The following SUPT7L variants were observed in gnomAD, a reference collection of about 807,000 sequenced individuals.
SUPT7L encodes SPT7 like, STAGA complex subunit gamma.
SUPT7L carries 15 observed loss-of-function variants against 35.7 expected under a neutral mutation model. That is an observed-to-expected ratio of 0.42 (90% CI 0.28 to 0.65). The LOEUF is 0.65. SUPT7L is among the 30% of genes least tolerant of loss of function. The pLI, the probability that SUPT7L is intolerant of heterozygous loss-of-function variation, is 0.23. For missense variants in SUPT7L, 434 were observed against 522.2 expected (o/e 0.83, Z 1.65); for synonymous variants, 168 against 186.2 (o/e 0.90, Z 0.79).
rs944130076 is a variant in SUPT7L, at chr2:27,660,423, C to T, written c.419+561G>A. The stretch of plus-strand genomic sequence containing the variant: ...ATTTTTAGTACAGATGGGGTTTCGC[C>T]ATGTTGGCCAGGTTGATTTTGAACT... On this transcript the variant is annotated intron_variant, in intron 3 of 5. Coordinates refer to ENST00000337768, the MANE Select transcript of SUPT7L (RefSeq NM_014860.3). 3.3e-5 allele frequency among the ~76,000 whole-genome samples: 5 copies of T among 151,972 alleles called. No homozygotes were observed. The East Asian group carries it at 9.7e-4, about 29-fold the overall frequency.
At chr2:27,654,323 G>T (rs769942531) in intron 5 of SUPT7L, among the ~76,000 whole-genome samples, 1 of 152,120 alleles carries the variant, frequency 6.6e-6, no homozygotes, top group Non-Finnish European at 1.5e-5. Context: ...TTCTCTTATG[G>T]TTATTCTTCC....
chr2:27,648,094 T>TCCTG (rs1674329757), downstream of SUPT7L: 3 of 618,560 alleles, frequency 4.8e-6, no homozygotes, highest in African/African-American at 5.5e-5. Flanking sequence ...AGAGTTCCTG[T>TCCTG]CCTGCCTACT....
At position 27,661,268 on chromosome 2, in the gene SUPT7L, G is replaced by T. The variant is rs1675092533; in HGVS notation, c.135C>A (p.Asn45Lys). 6.2e-7 allele frequency: 1 copy of T among 1,613,518 alleles called. No individual in the cohort carries two copies. Among genetic ancestry groups the T allele is most frequent in the South Asian group, 1.1e-5 (1 of 91,028 alleles). Residue 45 changes from asparagine to lysine, a missense_variant, in exon 3 of 6, where the codon AAC (asparagine) becomes AAA (lysine). Transcript: ENST00000337768. ...HDPPLHQPSA[N>K]KPKPPTMLDI... ...CCAGCATAGTGGGGGGCTTCGGCTT[G>T]TTGGCTGAGGGTTGGTGCAGGGGTG...
downstream of SUPT7L, chr2:27,647,974 C>A: frequency 8.3e-7 from 1 of 1,203,012 alleles, no homozygotes; most frequent in Non-Finnish European, 1.2e-6. Flanking sequence ...CCCGTGGCAA[C>A]AGAGCATCTG....
intron 5 of SUPT7L, among the ~76,000 whole-genome samples, chr2:27,653,957 C>G (rs1045520806): frequency 3.3e-5 from 5 of 152,160 alleles, no homozygotes; most frequent in African/African-American, 1.2e-4. Flanking sequence ...ATCTTCTTTT[C>G]CATTTCTTCT....
the SUPT7L span, among the ~76,000 whole-genome samples, chr2:27,642,990 C>CACAT: frequency 1.0e-3 from 155 of 150,916 alleles, no homozygotes; most frequent in African/African-American, 3.5e-3. Context: ...CACACACACA[C>CACAT]ACACATACAT....
At chr2:27,650,328 T>C (rs1328681347), downstream of SUPT7L, 2 of 549,032 alleles carry the variant, frequency 3.6e-6, no homozygotes, top group Non-Finnish European at 6.6e-6. Flanking sequence ...GCAAAGTTTC[T>C]CTTATTAGAG....
At position 27,653,083 on chromosome 2, in the gene SUPT7L, TTAG is replaced by T. The variant is rs1223217968; in HGVS notation, c.*399_*401del. The T allele has an allele frequency of 2.6e-5, 5 of 190,416 alleles. No homozygotes were observed. Among genetic ancestry groups the T allele is most frequent in the Admixed American group, 2.1e-4 (4 of 18,844 alleles). 11.8% of individuals were successfully genotyped at this position (190,416 alleles called of 1,614,324 possible). ...TGACATCTGATATGAGCATATATTATTAGTCTATTCAAGCACAGTTTTGAAGTT... is the reference window on the plus strand; with the variant it reads ...TGACATCTGATATGAGCATATATTATTCTATTCAAGCACAGTTTTGAAGTT... On this transcript the variant is annotated 3_prime_UTR_variant, in exon 6 of 6. Coordinates refer to ENST00000337768, the MANE Select transcript of SUPT7L (RefSeq NM_014860.3).
rs1485834545 is a variant in SUPT7L at position 27,660,873 on chromosome 2, T to A, written c.419+111A>T. ...CTGGAGAAACCTTGGCCAAGTCAAT[T>A]ACTCTTATCCTCAGTTTCCTCGCAT... is the stretch of plus-strand genomic sequence containing the variant. On this transcript the variant is annotated intron_variant, in intron 3 of 5. Coordinates refer to ENST00000337768, the MANE Select transcript of SUPT7L (RefSeq NM_014860.3). 36 of 1,384,980 alleles carry A rather than the reference T, an allele frequency of 2.6e-5. 1 individual carries two copies. The South Asian group carries it at 5.3e-4, about 20-fold the overall frequency. The allele number at this position is 1,384,980 out of a possible 1,614,324, so 85.8% of individuals were successfully genotyped here.
Position 27,655,177 on chromosome 2 carries a change from T to C in SUPT7L, c.982+188A>G, listed in dbSNP as rs72852184. 5.6e-3 allele frequency among the ~76,000 whole-genome samples: 848 copies of C among 152,336 alleles called. 4 individuals are homozygous for C. The highest frequency in any genetic ancestry group is 6.8e-3 in the Admixed American group (104 of 15,306). ...TGCCTGTAAAGCTGTGCTAATCCTC[T>C]CTTCACTAATTAGAAAGAGAAGAAT... On this transcript the variant is annotated intron_variant, in intron 5 of 5. Transcript: ENST00000337768.
Position 27,653,594 on chromosome 2 carries a change from T to C in SUPT7L, c.1136A>G (p.Gln379Arg). The C allele has an allele frequency of 6.2e-7, 1 of 1,614,244 alleles. No homozygotes were observed. Among genetic ancestry groups the C allele is most frequent in the Non-Finnish European group, 8.5e-7 (1 of 1,180,044 alleles). Residue 379 changes from glutamine (Q) to arginine (R), a missense_variant, in exon 6 of 6, where the codon CAG becomes CGG. Gln to Arg is a conservative substitution (Grantham distance 43). Transcript: ENST00000337768. The part of the protein sequence containing the change: ...MSGMSEAGIP[Q>R]SPDDSDSSYG... Reference sequence around the variant, plus strand: ...GCTGCTATCTGAGTCATCAGGGCTCTGAGGAATCCCAGCTTCACTCATGCC... The same window carrying C: ...GCTGCTATCTGAGTCATCAGGGCTCCGAGGAATCCCAGCTTCACTCATGCC...
chr2:27,655,790 A>G (rs1341372967), intron 4 of SUPT7L, among the ~76,000 whole-genome samples, 188 bp from the exon 5 acceptor site: 3 of 152,220 alleles, frequency 2.0e-5, no homozygotes, highest in Non-Finnish European at 2.9e-5. Context: ...TGTAAAGAAA[A>G]TTGGTTTGGC....
At position 27,653,663 on chromosome 2, in the gene SUPT7L, C is replaced by A; in HGVS notation, c.1067G>T (p.Gly356Val). The A allele has an allele frequency of 6.2e-7, 1 of 1,614,128 alleles. No homozygotes were observed. ...PQESEEGNVS[G>V]HGVLGSDVFE... ...GACATCACTGCCCAGCACACCATGC[C>A]CAGAGACATTGCCTTCTTCACTTTC... is the stretch of plus-strand genomic sequence containing the variant. Residue 356 changes from glycine to valine, a missense_variant, in exon 6 of 6, where the codon GGG (glycine) becomes GTG (valine). Transcript: ENST00000337768.
Position 27,657,473 on chromosome 2 carries a change from G to A in SUPT7L, c.616C>T (p.Arg206Trp), listed in dbSNP as rs755890924. ...TCAGGAAAAGGAGTCTGTCCCAGCC[G>A]GGCCTCCCGGTCCACAGCAAAACGC... Reference protein sequence around the residue: ...LLRFAVDREARLGQTPFPDVM... With the variant: ...LLRFAVDREAWLGQTPFPDVM... Residue 206 changes from arginine (R) to tryptophan (W), a missense_variant, in exon 4 of 6, where the codon CGG (arginine) becomes TGG (tryptophan). Coordinates refer to ENST00000337768, the MANE Select transcript of SUPT7L (RefSeq NM_014860.3). This position sits in a 1 kb window ranked among gnomAD's most constrained non-coding sequence, Gnocchi z 5.2. 1.2e-5 allele frequency: 20 copies of A among 1,614,122 alleles called. No homozygotes were observed. Among genetic ancestry groups the A allele is most frequent in the Admixed American group, 1.7e-5 (1 of 60,016 alleles).
rs1572982267 is a variant in SUPT7L, at chr2:27,661,363, A to G, written c.40T>C (p.Ser14Pro). The change falls in exon 3 of 6, where the codon TCA (serine) becomes CCA (proline). Residue 14 changes from serine to proline, a missense_variant. Transcript: ENST00000337768. Reference protein sequence around the residue: ...QRYWGEIPISSSQTNRSSFDL... With the variant: ...QRYWGEIPISPSQTNRSSFDL... The stretch of plus-strand genomic sequence containing the variant: ...AAGGAACTTCTGTTGGTCTGGCTTG[A>G]TGATATTGGTATCTCTCCCCAGTAT... 1 of 1,613,992 alleles carries G rather than the reference A, an allele frequency of 6.2e-7. No individual in the cohort carries two copies. The highest frequency in any genetic ancestry group is 8.5e-7 in the Non-Finnish European group (1 of 1,180,022).
At chr2:27,642,575 T>C in the SUPT7L span, 8 of 981,436 alleles carry the variant, frequency 8.2e-6, no homozygotes, top group Admixed American at 8.2e-5. Context: ...TTCTTTCTTT[T>C]ATTTATTTAT....
At chr2:27,660,094 T>C (rs1031662741) in intron 3 of SUPT7L, among the ~76,000 whole-genome samples, 2 of 152,206 alleles carry the variant, frequency 1.3e-5, no homozygotes, top group African/African-American at 4.8e-5. Context: ...GATCTTGTTA[T>C]AATGCAGATT....
intron 4 of SUPT7L, 151 bp from the exon 5 acceptor site, chr2:27,655,753 A>C: frequency 1.4e-6 from 1 of 722,308 alleles, no homozygotes; most frequent in South Asian, 2.0e-5. Context: ...TAAGGTGCTG[A>C]GTTTGCATTT....
downstream of SUPT7L, among the ~76,000 whole-genome samples, chr2:27,646,123 C>T (rs192312436): frequency 2.0e-3 from 303 of 152,298 alleles, no homozygotes; most frequent in African/African-American, 7.1e-3. Context: ...CTCACTGCAA[C>T]CTCCGCCTCC....
Sources: gnomAD v4.1 joint callset for allele counts (sites outside exome capture counted in the v4.1 genomes callset) on GRCh38, gnomAD v4.1.1 for gene constraint, Gnocchi (gnomAD v3.1) non-coding constraint, MANE v1.5 for transcripts, NCBI Gene and HGNC (gene_info 2026-07-23, HGNC 2026-07-21) for gene names.